The following GNPTAB variants were observed in gnomAD, a reference collection of about 807,000 sequenced individuals.
GNPTAB encodes the protein N-acetylglucosamine-1-phosphotransferase subunits alpha/beta.
Under a neutral mutation model 136.6 loss-of-function variants are expected in GNPTAB, and 92 were observed. That is an observed-to-expected ratio of 0.67 (90% CI 0.57 to 0.80). The LOEUF (loss-of-function observed/expected upper bound fraction) is 0.80, where lower values mean the gene tolerates loss of function less well. Ranked by LOEUF, GNPTAB falls within the 30% of genes least tolerant of loss-of-function variation. The pLI is 0.00. For synonymous variants in GNPTAB, 512 were observed against 535.1 expected (o/e 0.96, Z 0.60); for missense variants, 1,343 against 1,501.8 (o/e 0.89, Z 1.75).
At chr12:101,750,539 G>A (rs898354170) in intron 19 of GNPTAB, among the ~76,000 whole-genome samples, 2 of 152,168 alleles carry the variant, frequency 1.3e-5, no homozygotes, top group Admixed American at 6.5e-5. Context: ...AGAAATCAAG[G>A]TCCTCTCAAA....
At position 101,769,270 on chromosome 12, in the gene GNPTAB, T is replaced by TAACCAA. The variant is rs574369194; in HGVS notation, c.1284+750_1284+751insTTGGTT. On this transcript the variant is annotated intron_variant, in intron 10 of 20. Coordinates refer to ENST00000299314, the MANE Select transcript of GNPTAB (RefSeq NM_024312.5). ...GAGTTGGCCCCTAAGTCTGTACTCT[T>TAACCAA]AACCACTTCTCCATCCCACCTCTCA... Among the ~76,000 whole-genome samples the TAACCAA allele has an allele frequency of 2.0e-4, 31 of 152,312 alleles. No individual in the cohort carries two copies. In the South Asian group the frequency reaches 6.4e-3, roughly 32 times the overall value.
intron 18 of GNPTAB, among the ~76,000 whole-genome samples, 174 bp from the exon 19 acceptor site, chr12:101,753,713 T>C (rs1451461148): frequency 6.6e-6 from 1 of 152,234 alleles, no homozygotes; most frequent in Non-Finnish European, 1.5e-5. Flanking sequence ...TAGATATTCC[T>C]CACGTATAAA....
intron 1 of GNPTAB, among the ~76,000 whole-genome samples, chr12:101,800,596 T>C (rs1269677110): frequency 8.4e-5 from 3 of 35,756 alleles, no homozygotes; most frequent in East Asian, 1.6e-3. Context: ...CCATCACTAC[T>C]AAAAATACAA....
chr12:101,819,785 T>TA (rs1870706612), intron 1 of GNPTAB, among the ~76,000 whole-genome samples: 1 of 152,166 alleles, frequency 6.6e-6, no homozygotes, highest in Non-Finnish European at 1.5e-5. Context: ...GCAGAAATTT[T>TA]AAAAAGATAT....
intron 1 of GNPTAB, among the ~76,000 whole-genome samples, chr12:101,813,523 G>A (rs1029665371): frequency 1.3e-5 from 2 of 152,202 alleles, no homozygotes; most frequent in Admixed American, 6.5e-5. Context: ...AATGTACTCT[G>A]GTTGCAGTCT....
chr12:101,796,995 G>A (rs1397005437), intron 1 of GNPTAB, among the ~76,000 whole-genome samples: 5 of 152,116 alleles, frequency 3.3e-5, no homozygotes, highest in Admixed American at 2.0e-4. Context: ...ATGGGGTAGC[G>A]GAATCAAAGA....
At chr12:101,757,124 T>G (rs1952912384) in intron 18 of GNPTAB, 88 bp downstream of exon 18, 1 of 765,210 alleles carries the variant, frequency 1.3e-6, no homozygotes, top group Non-Finnish European at 2.2e-6. Flanking sequence ...TTTGGTCTGT[T>G]CCATACAGAA....
intron 1 of GNPTAB, 139 bp from the exon 2 acceptor site, chr12:101,796,901 C>T: frequency 1.5e-6 from 1 of 647,316 alleles, no homozygotes. Flanking sequence ...CTGCCTACCA[C>T]ATACATCGTG....
chr12:101,765,462 A>AAAC (rs1423005512), intron 12 of GNPTAB, 158 bp from the exon 13 acceptor site: 20 of 628,120 alleles, frequency 3.2e-5, no homozygotes, highest in Non-Finnish European at 5.0e-5. Context: ...GGCCATGCTA[A>AAAC]TGCCTAAACT....
chr12:101,790,863 G>A (rs1392250505), intron 2 of GNPTAB, among the ~76,000 whole-genome samples: 3 of 150,794 alleles, frequency 2.0e-5, no homozygotes, highest in East Asian at 3.9e-4. Flanking sequence ...ACCCTCCCCA[G>A]CCTCACCTCT....
chr12:101,817,656 T>G (rs1209115723), intron 1 of GNPTAB, among the ~76,000 whole-genome samples: 1 of 152,054 alleles, frequency 6.6e-6, no homozygotes, highest in Non-Finnish European at 1.5e-5. Flanking sequence ...TAATTAAAAA[T>G]TAAAGTAATT....
chr12:101,786,151 G>A lies in GNPTAB; in HGVS notation c.432C>T (p.Ala144=), dbSNP rs374006088. 8.1e-6 allele frequency: 13 copies of A among 1,613,876 alleles called. No individual in the cohort carries two copies. The South Asian group carries it at 1.1e-4, about 14-fold the overall frequency. ...IKVPMLVLDP[A]LPANITLKDL... The stretch of plus-strand genomic sequence containing the variant: ...CCTTCAGGGTGATGTTGGCTGGCAG[G>A]GCTGGGTCCAGGACAAGCATTGGCA... The change falls in exon 5 of 21, where the codon GCC becomes GCT. Residue 144 remains alanine, a synonymous_variant. Coordinates refer to ENST00000299314, the MANE Select transcript of GNPTAB (RefSeq NM_024312.5).
At chr12:101,749,843 C>T (rs1257757364) in intron 19 of GNPTAB, among the ~76,000 whole-genome samples, 1 of 152,172 alleles carries the variant, frequency 6.6e-6, no homozygotes. Flanking sequence ...GGGAACTAAG[C>T]CAGGTGAAGG....
chr12:101,812,475 G>C (rs1161902772), intron 1 of GNPTAB, among the ~76,000 whole-genome samples: 3 of 152,160 alleles, frequency 2.0e-5, no homozygotes, highest in Admixed American at 2.0e-4. Flanking sequence ...TCAAAGTTGG[G>C]CTGGGCACAG....
chr12:101,761,457 T>G, intron 14 of GNPTAB, 107 bp downstream of exon 14: 1 of 1,406,706 alleles, frequency 7.1e-7, no homozygotes, highest in South Asian at 1.2e-5. Flanking sequence ...CTTTAACATA[T>G]TAGTCATCAA....
chr12:101,809,109 A>C (rs889786395), intron 1 of GNPTAB, among the ~76,000 whole-genome samples: 1 of 152,256 alleles, frequency 6.6e-6, no homozygotes, highest in African/African-American at 2.4e-5. Flanking sequence ...AAACAACCCA[A>C]TTAAAAACTG....
chr12:101,753,267 A>T, intron 19 of GNPTAB, 105 bp downstream of exon 19: 1 of 1,050,382 alleles, frequency 9.5e-7, no homozygotes, highest in South Asian at 1.4e-5. Context: ...AAAAAAAAAT[A>T]AAAAGAGAAA....
At chr12:101,783,420 T>C (rs1868458224) in intron 5 of GNPTAB, among the ~76,000 whole-genome samples, 1 of 152,210 alleles carries the variant, frequency 6.6e-6, no homozygotes, top group African/African-American at 2.4e-5. Flanking sequence ...GTGAGTTCTG[T>C]GTGACCATAG....
At position 101,788,535 on chromosome 12, in the gene GNPTAB, T is replaced by C; in HGVS notation, c.365+13A>G. On this transcript the variant is annotated intron_variant, in intron 4 of 20. Coordinates refer to ENST00000299314, the MANE Select transcript of GNPTAB (RefSeq NM_024312.5). ...TTCACTTTTTACTCTTGAGAGGAAA[T>C]CAAAATGCTTACCTCTTCTTAGTAG... The C allele has an allele frequency of 6.7e-7, 1 of 1,498,396 alleles. No individual in the cohort carries two copies. The highest frequency in any genetic ancestry group is 9.3e-7 in the Non-Finnish European group (1 of 1,074,454). 92.8% of individuals were successfully genotyped at this position (1,498,396 alleles called of 1,614,324 possible).
Sources: allele counts gnomAD v4.1 joint callset (sites outside exome capture counted in the v4.1 genomes callset), GRCh38; gene constraint gnomAD v4.1.1; transcripts MANE v1.5; gene names NCBI Gene and HGNC (gene_info 2026-07-23, HGNC 2026-07-21).